KTN1: variants seen among roughly 807,000 people sequenced by gnomAD.
KTN1 encodes the protein kinectin.
KTN1 carries 130 observed loss-of-function variants against 222.5 expected under a neutral mutation model. The observed-to-expected ratio is 0.58, with a 90% CI of 0.51 to 0.68. KTN1 has a LOEUF of 0.68. KTN1 is among the 30% of genes least tolerant of loss of function. KTN1 has a pLI of 0.00. For synonymous variants in KTN1, 512 were observed against 496.3 expected, an observed-to-expected ratio of 1.03 and a Z score of -0.42; for missense variants, 1,508 against 1,500.4, an observed-to-expected ratio of 1.01 and a Z score of -0.08.
chr14:55,683,955 A>G (rs1297793095), intron 43 of KTN1, 144 bp from the exon 44 acceptor site: 3 of 530,218 alleles, frequency 5.7e-6, no homozygotes, highest in Non-Finnish European at 9.7e-6. Flanking sequence ...TTTGATTACC[A>G]TTAGTGTGAA....
chr14:55,633,611 T>A (rs2040776885), intron 8 of KTN1, among the ~76,000 whole-genome samples: 1 of 151,666 alleles, frequency 6.6e-6, no homozygotes, highest in Non-Finnish European at 1.5e-5. Flanking sequence ...TATATAAACA[T>A]GTATGTGTAT....
chr14:55,659,855 G>A (rs1415139518), intron 31 of KTN1, 152 bp downstream of exon 31: 3 of 525,138 alleles, frequency 5.7e-6, no homozygotes, highest in Non-Finnish European at 3.4e-6. Flanking sequence ...GAGTTGAGTA[G>A]TACCTTTGGC....
chr14:55,594,376 A>T (rs994015614), intron 1 of KTN1, among the ~76,000 whole-genome samples: 1 of 152,094 alleles, frequency 6.6e-6, no homozygotes, highest in African/African-American at 2.4e-5. Context: ...TTATGATTAT[A>T]TAATAATTAG....
intron 33 of KTN1, 33 bp downstream of exon 33, chr14:55,664,074 G>T: frequency 7.1e-7 from 1 of 1,408,616 alleles, no homozygotes; most frequent in East Asian, 2.3e-5. Flanking sequence ...ACAATCCACT[G>T]AACAGAGAAA....
At chr14:55,593,446 C>CCCCCCCA (rs1555357160) in intron 1 of KTN1, among the ~76,000 whole-genome samples, 7 of 120,578 alleles carry the variant, frequency 5.8e-5, no homozygotes, top group African/African-American at 1.3e-4. Context: ...ACCCCCCCCC[C>CCCCCCCA]AAAAAAAAAA....
At position 55,671,628 on chromosome 14, in the gene KTN1, A is replaced by G; in HGVS notation, c.3411A>G (p.Glu1137=). The G allele has an allele frequency of 6.2e-7, 1 of 1,612,886 alleles. No homozygotes were observed. Among genetic ancestry groups the G allele is most frequent in the Admixed American group, 1.7e-5 (1 of 59,878 alleles). The change falls in exon 36 of 44, where the codon GAA becomes GAG. Residue 1137 remains glutamate, a synonymous_variant. Transcript: ENST00000395314. ...EMHTLLQLEC[E]KYKSVLAETE... is the part of the protein sequence containing the mutation. ...ACACATTGTTACAGCTAGAGTGTGA[A>G]AAATACAAATCCGTCCTTGCAGAAA...
At chr14:55,655,903 C>A in intron 28 of KTN1, 139 bp from the exon 29 acceptor site, 1 of 496,674 alleles carries the variant, frequency 2.0e-6, no homozygotes. Context: ...TTTAAACAAA[C>A]TTCTAAGTTG....
At chr14:55,598,303 C>T (rs2035385341) in intron 1 of KTN1, among the ~76,000 whole-genome samples, 1 of 151,794 alleles carries the variant, frequency 6.6e-6, no homozygotes, top group African/African-American at 2.4e-5. Flanking sequence ...GGCGTGTTGG[C>T]GGGCGCCTGT....
At chr14:55,592,189 G>T (rs545902629) in intron 1 of KTN1, among the ~76,000 whole-genome samples, 1 of 152,086 alleles carries the variant, frequency 6.6e-6, no homozygotes, top group Non-Finnish European at 1.5e-5. Context: ...CTACCTCACG[G>T]TTATGAAGAT....
At chr14:55,660,661 T>C (rs1218359178) in intron 31 of KTN1, among the ~76,000 whole-genome samples, 2 of 152,194 alleles carry the variant, frequency 1.3e-5, no homozygotes, top group East Asian at 1.9e-4. Context: ...AAATCGAGTC[T>C]TGAGTTTGAC....
rs2041233054 is a variant in KTN1, at chr14:55,637,212, T to G, written c.1564T>G (p.Phe522Val). 6.2e-7 allele frequency: 1 copy of G among 1,602,146 alleles called. No individual in the cohort carries two copies. The highest frequency in any genetic ancestry group is 1.1e-5 in the South Asian group (1 of 88,632). Residue 522 changes from phenylalanine (F) to valine (V), a missense_variant, in exon 11 of 44, where the codon TTT becomes GTT. Phe to Val is a conservative substitution (Grantham distance 50, BLOSUM62 -1). Transcript: ENST00000395314. ...EAAQQDLQSKFVAKENEVQSL... is the reference protein window; with the variant it reads ...EAAQQDLQSKVVAKENEVQSL... Reference sequence around the variant, plus strand: ...TTTTATTACAGATTTACAGAGTAAATTTGTGGCCAAAGAAAATGAAGTACA... The same window carrying G: ...TTTTATTACAGATTTACAGAGTAAAGTTGTGGCCAAAGAAAATGAAGTACA...
chr14:55,627,834 T>A, intron 5 of KTN1, 78 bp from the exon 6 acceptor site: 1 of 831,930 alleles, frequency 1.2e-6, no homozygotes, highest in Non-Finnish European at 2.1e-6. Context: ...ATGGTGTATA[T>A]GTGCCACATT....
intron 1 of KTN1, among the ~76,000 whole-genome samples, chr14:55,610,711 A>G (rs1387879813): frequency 6.6e-6 from 1 of 150,864 alleles, no homozygotes; most frequent in African/African-American, 2.4e-5. Context: ...CACATTTGAG[A>G]TGAATAAGAA....
intron 29 of KTN1, among the ~76,000 whole-genome samples, chr14:55,657,086 C>T (rs927110885): frequency 6.6e-6 from 1 of 152,174 alleles, no homozygotes; most frequent in Non-Finnish European, 1.5e-5. Flanking sequence ...ACATTACATG[C>T]TTCAAGGTTT....
chr14:55,585,577 C>A (rs2032820700), intron 1 of KTN1, among the ~76,000 whole-genome samples: 1 of 152,154 alleles, frequency 6.6e-6, no homozygotes, highest in Non-Finnish European at 1.5e-5. Context: ...AAGATAGGCA[C>A]TGGGAAACTC....
rs771147952 is a variant in KTN1 at position 55,650,554 on chromosome 14, T to A, written c.2497-15T>A. On this transcript the variant is annotated splice_polypyrimidine_tract_variant and intron_variant, in intron 23 of 43. Coordinates refer to ENST00000395314, the MANE Select transcript of KTN1 (RefSeq NM_001079521.2). ...GTTTCCATTGTCCAATCTTGTCTGT[T>A]TTGTCATTGTCAAGGATTTGAAACA... 5 of 1,602,770 alleles carry A rather than the reference T, an allele frequency of 3.1e-6. No homozygotes were observed. The African/African-American group carries it at 6.7e-5, about 21-fold the overall frequency.
At chr14:55,642,753 A>G (rs2041929209) in intron 18 of KTN1, among the ~76,000 whole-genome samples, 1 of 152,196 alleles carries the variant, frequency 6.6e-6, no homozygotes, top group African/African-American at 2.4e-5. Context: ...TCAAGAAATA[A>G]TCCATTTATT....
At position 55,627,962 on chromosome 14, in the gene KTN1, C is replaced by T. The variant is rs987981779; in HGVS notation, c.1014C>T (p.Asp338=). ...TTLIHQLQEK[D]KLLAAVKEDA... Reference sequence around the variant, plus strand: ...TTATACATCAGCTTCAAGAAAAGGACAAGTTACTCGCTGCTGTGAAGGAAG... The same window carrying T: ...TTATACATCAGCTTCAAGAAAAGGATAAGTTACTCGCTGCTGTGAAGGAAG... The change falls in exon 6 of 44, where the codon GAC becomes GAT. Residue 338 remains aspartate (D), a synonymous_variant. Coordinates refer to ENST00000395314, the MANE Select transcript of KTN1 (RefSeq NM_001079521.2). The T allele has an allele frequency of 1.7e-5, 27 of 1,613,780 alleles. No homozygotes were observed. Among genetic ancestry groups the T allele is most frequent in the Non-Finnish European group, 2.3e-5 (27 of 1,179,844 alleles).
rs1212327809 is a variant in KTN1, at chr14:55,625,762, A to AT, written c.964-2141dup. On this transcript the variant is annotated intron_variant, in intron 5 of 43. Coordinates refer to ENST00000395314, the MANE Select transcript of KTN1 (RefSeq NM_001079521.2). ...GTGGGGTATAACATTCCAGAATTTC[A>AT]TTTTTTTTTCCTTGAAACATTTTAT... is the stretch of plus-strand genomic sequence containing the variant. 4.6e-5 allele frequency among the ~76,000 whole-genome samples: 7 copies of AT among 150,606 alleles called. No individual in the cohort carries two copies. In the East Asian group the frequency reaches 5.8e-4, roughly 13 times the overall value.
Sources: gnomAD v4.1 joint callset for allele counts (sites outside exome capture counted in the v4.1 genomes callset) on GRCh38, gnomAD v4.1.1 for gene constraint, MANE v1.5 for transcripts, NCBI Gene and HGNC (gene_info 2026-07-23, HGNC 2026-07-21) for gene names.